PTPN18: variants seen among roughly 807,000 people sequenced by gnomAD.
PTPN18 encodes the protein tyrosine-protein phosphatase non-receptor type 18.
Under a neutral mutation model 65.4 loss-of-function variants are expected in PTPN18, and 65 were observed. The observed-to-expected ratio is 0.99, with a 90% confidence interval of 0.81 to 1.22. PTPN18 has a LOEUF of 1.22. Among genes scored for constraint, PTPN18 ranks in the 50% most tolerant of loss-of-function variants. The probability of loss-of-function intolerance (pLI) is 0.00; values close to 1 mark genes in which losing one functional copy is unlikely to be tolerated. For synonymous variants in PTPN18, 255 were observed against 267.8 expected (o/e 0.95, Z 0.47); for missense variants, 616 against 646.5 (o/e 0.95, Z 0.51).
intron 5 of PTPN18, among the ~76,000 whole-genome samples, chr2:130,365,335 C>T (rs1680346179): frequency 6.6e-6 from 1 of 152,092 alleles, no homozygotes; most frequent in Non-Finnish European, 1.5e-5. Flanking sequence ...GGAAGTGGTA[C>T]CTCATTGTGG....
rs77807661 is a variant in PTPN18, at chr2:130,356,125, C to T, written c.18C>T (p.Asp6=). MSRSL[D]SARSFLERLE... ...GCGGCGCCATGAGCCGCAGCCTGGA[C>T]TCGGCGCGGAGCTTCCTGGAGCGGC... The change falls in exon 1 of 15, where the codon GAC becomes GAT. Residue 6 remains aspartate, a synonymous_variant. Coordinates refer to ENST00000175756, the MANE Select transcript of PTPN18 (RefSeq NM_014369.4). The T allele has an allele frequency of 5.5e-3, 7,159 of 1,309,676 alleles. 338 individuals are homozygous for T. In the East Asian group the frequency reaches 0.13, roughly 23 times the overall value. 81.1% of individuals were successfully genotyped at this position (1,309,676 alleles called of 1,614,324 possible).
At chr2:130,368,407 C>G (rs1332064774) in intron 5 of PTPN18, among the ~76,000 whole-genome samples, 1 of 152,194 alleles carries the variant, frequency 6.6e-6, no homozygotes, top group East Asian at 1.9e-4. Flanking sequence ...TTTAGCCGTA[C>G]TTCTAATGTG....
intron 11 of PTPN18, 70 bp from the exon 12 acceptor site, chr2:130,371,129 T>G (rs1680550721): frequency 6.9e-7 from 1 of 1,444,334 alleles, no homozygotes; most frequent in East Asian, 2.3e-5. Context: ...TCTTAAGCTT[T>G]CTCCCAGAGC....
chr2:130,369,629 G>T, intron 6 of PTPN18, 136 bp from the exon 7 acceptor site: 1 of 907,588 alleles, frequency 1.1e-6, no homozygotes, highest in Non-Finnish European at 1.6e-6. Flanking sequence ...GGGAAAGTTT[G>T]GGCTATATGA....
chr2:130,356,205 G>C lies in PTPN18; in HGVS notation c.93+5G>C. 3 of 1,319,848 alleles carry C rather than the reference G, an allele frequency of 2.3e-6. No homozygotes were observed. The highest frequency in any genetic ancestry group is 2.9e-6 in the Non-Finnish European group (3 of 1,037,146). 81.8% of individuals were successfully genotyped at this position (1,319,848 alleles called of 1,614,324 possible). A position where few individuals can be genotyped will look rare whatever the true frequency, so the allele number is the denominator to read the frequency against. Reference sequence around the variant, plus strand: ...GTCCTCGCCGGCGAGTTCAGCGTGAGTGGCACACGGGGTCCGCGAGCGGCG... The same window carrying C: ...GTCCTCGCCGGCGAGTTCAGCGTGACTGGCACACGGGGTCCGCGAGCGGCG... On this transcript the variant is annotated splice_donor_5th_base_variant and intron_variant, in intron 1 of 14. Transcript: ENST00000175756.
In PTPN18 at chr2:130,370,200, A is replaced by G; in HGVS notation, c.689+10A>G. ...TCTGTGTCCACTGCAGGTTTTGGAA[A>G]TGGGCTTCAGGAGGGTCTGGTGAGG... On this transcript the variant is annotated intron_variant, in intron 8 of 14. Coordinates refer to ENST00000175756, the MANE Select transcript of PTPN18 (RefSeq NM_014369.4). The G allele has an allele frequency of 1.2e-6, 2 of 1,609,128 alleles. No individual in the cohort carries two copies. Among genetic ancestry groups the G allele is most frequent in the Non-Finnish European group, 1.7e-6 (2 of 1,179,954 alleles).
At position 130,356,201 on chromosome 2, in the gene PTPN18, G is replaced by T; in HGVS notation, c.93+1G>T. Reference sequence around the variant, plus strand: ...GGCAGTCCTCGCCGGCGAGTTCAGCGTGAGTGGCACACGGGGTCCGCGAGC... The same window carrying T: ...GGCAGTCCTCGCCGGCGAGTTCAGCTTGAGTGGCACACGGGGTCCGCGAGC... On this transcript the variant is annotated splice_donor_variant, in intron 1 of 14. Transcript: ENST00000175756. LOFTEE classifies it high-confidence loss of function. 7.6e-7 allele frequency: 1 copy of T among 1,319,150 alleles called. No individual in the cohort carries two copies. The highest frequency in any genetic ancestry group is 9.6e-7 in the Non-Finnish European group (1 of 1,036,884). The allele number at this position is 1,319,150 out of a possible 1,614,324, so 81.7% of individuals were successfully genotyped here. A position where few individuals can be genotyped will look rare whatever the true frequency, so the allele number is the denominator to read the frequency against.
intron 13 of PTPN18, 152 bp from the exon 14 acceptor site, chr2:130,372,721 G>T (rs537635087): frequency 9.6e-7 from 1 of 1,037,820 alleles, no homozygotes; most frequent in Non-Finnish European, 1.4e-6. Flanking sequence ...GCGCCCAAAG[G>T]CTGGAGGCCA....
At chr2:130,369,984 T>A in intron 7 of PTPN18, 64 bp from the exon 8 acceptor site, 1 of 1,596,534 alleles carries the variant, frequency 6.3e-7, no homozygotes, top group Non-Finnish European at 8.6e-7. Flanking sequence ...GTATAGTAGA[T>A]GGCCAATTAA....
At chr2:130,372,537 C>T (rs1680607016) in intron 13 of PTPN18, 54 bp downstream of exon 13, 2 of 1,399,198 alleles carry the variant, frequency 1.4e-6, no homozygotes, top group Non-Finnish European at 1.9e-6. Flanking sequence ...ATCCGCAGGG[C>T]GGAACCATCC....
intron 5 of PTPN18, among the ~76,000 whole-genome samples, chr2:130,364,395 C>A (rs1023570684): frequency 2.6e-5 from 4 of 152,242 alleles, no homozygotes; most frequent in Non-Finnish European, 5.9e-5. Flanking sequence ...TTTTCAAGGC[C>A]AAATAATATT....
chr2:130,370,245 A>C, intron 8 of PTPN18, 55 bp downstream of exon 8: 1 of 1,598,542 alleles, frequency 6.3e-7, no homozygotes, highest in Non-Finnish European at 8.5e-7. Flanking sequence ...CAGAGCATGG[A>C]GGGGAGTACA....
At chr2:130,359,557 C>A in intron 4 of PTPN18, 51 bp from the exon 5 acceptor site, 2 of 1,613,088 alleles carry the variant, frequency 1.2e-6, no homozygotes, top group East Asian at 4.5e-5. Context: ...GGCAGTTTCC[C>A]TGGCCCCCTC....
chr2:130,368,929 C>A, intron 5 of PTPN18: 1 of 521,626 alleles, frequency 1.9e-6, no homozygotes. Context: ...ACTGTATTTC[C>A]CCTGCATGGT....
intron 1 of PTPN18, among the ~76,000 whole-genome samples, chr2:130,357,530 A>G (rs556696314): frequency 4.6e-5 from 7 of 152,376 alleles, no homozygotes; most frequent in African/African-American, 1.7e-4. Flanking sequence ...AAATGACCAA[A>G]GTTATTTGAT....
chr2:130,369,146 G>C lies in PTPN18; in HGVS notation c.428G>C (p.Arg143Pro), dbSNP rs141127601. The C allele has an allele frequency of 1.2e-6, 2 of 1,612,398 alleles. No homozygotes were observed. Among genetic ancestry groups the C allele is most frequent in the Non-Finnish European group, 8.5e-7 (1 of 1,179,098 alleles). ...EIENGRKRCE[R>P]YWAQEQEPLQ... is the part of the protein sequence containing the mutation. ...TACCTTTTGCAGAAAAGGTGTGAGC[G>C]GTACTGGGCCCAGGAGCAGGAGCCA... Residue 143 changes from arginine (R) to proline (P), a missense_variant, in exon 6 of 15, where the codon CGG becomes CCG. Around this residue, in one of 3 missense-constraint regions of PTPN18, gnomAD observed 223 missense variants for 210.0 expected, o/e 1.06. Coordinates refer to ENST00000175756, the MANE Select transcript of PTPN18 (RefSeq NM_014369.4).
chr2:130,371,120 C>A, intron 11 of PTPN18, 79 bp from the exon 12 acceptor site: 1 of 1,422,874 alleles, frequency 7.0e-7, no homozygotes, highest in Non-Finnish European at 9.7e-7. Flanking sequence ...GCTCTCCCAT[C>A]TTAAGCTTTC....
chr2:130,373,332 T>G lies in PTPN18; in HGVS notation c.*108T>G. 1 of 1,177,698 alleles carries G rather than the reference T, an allele frequency of 8.5e-7. No homozygotes were observed. Among genetic ancestry groups the G allele is most frequent in the African/African-American group, 1.6e-5 (1 of 64,054 alleles). 73.0% of individuals were successfully genotyped at this position (1,177,698 alleles called of 1,614,324 possible). On this transcript the variant is annotated 3_prime_UTR_variant, in exon 15 of 15. Coordinates refer to ENST00000175756, the MANE Select transcript of PTPN18 (RefSeq NM_014369.4). The surrounding 1 kb of genome is among the most constrained non-coding windows in gnomAD (Gnocchi z 4.1). ...GGAAACAGTGGGCCTGGATCAAAGTTAAAGTTTCTCAGGGTGGGAAATGTG... is the reference window on the plus strand; with the variant it reads ...GGAAACAGTGGGCCTGGATCAAAGTGAAAGTTTCTCAGGGTGGGAAATGTG...
Position 130,369,137 on chromosome 2 carries a change from GGT to G in PTPN18, c.423_424del (p.Cys141Ter). 6.2e-7 allele frequency: 1 copy of G among 1,611,324 alleles called. No individual in the cohort carries two copies. Among genetic ancestry groups the G allele is most frequent in the Non-Finnish European group, 8.5e-7 (1 of 1,178,350 alleles). ...TTTCTCCCTTACCTTTTGCAGAAAA[GGT>G]GTGAGCGGTACTGGGCCCAGGAGCA... On this transcript the variant is annotated frameshift_variant, in exon 6 of 15. Transcript: ENST00000175756. LOFTEE classifies it high-confidence loss of function.
Sources: allele counts gnomAD v4.1 joint callset (sites outside exome capture counted in the v4.1 genomes callset), GRCh38; gene constraint gnomAD v4.1.1; regional missense constraint gnomAD v4.1.1; non-coding constraint Gnocchi (gnomAD v3.1); transcripts MANE v1.5; gene names NCBI Gene and HGNC (gene_info 2026-07-23, HGNC 2026-07-21).